Variants in RFX7 observed in about 807,000 individuals in gnomAD.
RFX7 encodes the protein regulatory factor X7.
Under a neutral mutation model 111.8 loss-of-function variants are expected in RFX7, and 26 were observed. That is an observed-to-expected ratio of 0.23 (90% CI 0.17 to 0.32). The LOEUF (loss-of-function observed/expected upper bound fraction) is 0.32, where lower values mean the gene tolerates loss of function less well. RFX7 is among the 10% of genes least tolerant of loss of function. The pLI, the probability that RFX7 is intolerant of heterozygous loss-of-function variation, is 1.00. For missense variants in RFX7, 1,573 were observed against 1,772.9 expected (o/e 0.89, Z 2.02); for synonymous variants, 624 against 624.4 (o/e 1.00, Z 0.01).
At chr15:56,139,495 G>C (rs1432849979) in intron 5 of RFX7, among the ~76,000 whole-genome samples, 2 of 152,042 alleles carry the variant, frequency 1.3e-5, no homozygotes, top group Admixed American at 1.3e-4. Context: ...CTCTGTATTG[G>C]TTATTCTAGT....
intron 5 of RFX7, among the ~76,000 whole-genome samples, chr15:56,116,498 A>G (rs2042010330): frequency 6.6e-6 from 1 of 152,208 alleles, no homozygotes; most frequent in Non-Finnish European, 1.5e-5. Context: ...TACAGCTGTA[A>G]TGTAAACAGT....
chr15:56,109,895 AC>A (rs2041889762), intron 5 of RFX7, among the ~76,000 whole-genome samples: 1 of 147,572 alleles, frequency 6.8e-6, no homozygotes, highest in African/African-American at 2.5e-5. Flanking sequence ...CCCGGCAGCC[AC>A]CCCGTCCGGG....
intron 2 of RFX7, among the ~76,000 whole-genome samples, chr15:56,215,867 T>C (rs988744828): frequency 6.6e-6 from 1 of 152,162 alleles, no homozygotes; most frequent in Admixed American, 6.5e-5. Context: ...TCAGTCAGGA[T>C]ATCAGCAGGA....
chr15:56,192,191 G>A (rs542053684), intron 2 of RFX7, among the ~76,000 whole-genome samples: 2 of 152,136 alleles, frequency 1.3e-5, no homozygotes, highest in Admixed American at 6.5e-5. Context: ...TGTATCTAGC[G>A]TAATAATAAC....
intron 2 of RFX7, among the ~76,000 whole-genome samples, chr15:56,234,702 A>G (rs1490336725): frequency 6.6e-6 from 1 of 152,206 alleles, no homozygotes; most frequent in African/African-American, 2.4e-5. Flanking sequence ...TGCTTACTGC[A>G]AAAACAATGG....
chr15:56,115,849 G>A (rs1406634451), intron 5 of RFX7, among the ~76,000 whole-genome samples: 1 of 151,984 alleles, frequency 6.6e-6, no homozygotes, highest in Non-Finnish European at 1.5e-5. Context: ...GGCTGTGGCA[G>A]GAGAATGGTG....
intron 2 of RFX7, among the ~76,000 whole-genome samples, chr15:56,214,877 T>C (rs571254025): frequency 6.6e-6 from 1 of 152,210 alleles, no homozygotes; most frequent in African/African-American, 2.4e-5. Context: ...TAATTCTGTG[T>C]AGATTGAGTT....
rs779256368 is a variant in RFX7, at chr15:56,096,567, G to A, written c.1161C>T (p.Asp387=). 36 of 1,598,002 alleles carry A rather than the reference G, an allele frequency of 2.3e-5. No individual in the cohort carries two copies. In the Admixed American group the frequency reaches 3.8e-4, roughly 17 times the overall value. ...VTSPSPMSSS[D]GKVLPLNVQV... ...GTACATTGAGGGGAAGAACTTTGCC[G>A]TCAGAAGAACTCATTGGACTCGGTG... Residue 387 remains aspartate (D), a synonymous_variant, in exon 10 of 10, where the codon GAC becomes GAT. Coordinates refer to ENST00000559447, the MANE Select transcript of RFX7 (RefSeq NM_022841.7).
intron 5 of RFX7, among the ~76,000 whole-genome samples, chr15:56,135,294 A>C (rs1456964002): frequency 1.3e-5 from 2 of 152,016 alleles, no homozygotes; most frequent in Non-Finnish European, 2.9e-5. Context: ...CTGACTTTTT[A>C]ATGATCGCCA....
At chr15:56,219,194 TTA>T (rs1438679178) in intron 2 of RFX7, among the ~76,000 whole-genome samples, 33 of 152,300 alleles carry the variant, frequency 2.2e-4, no homozygotes, top group African/African-American at 7.2e-4. Flanking sequence ...ATTTAGGATT[TTA>T]TGTTTTTCTG....
rs527849053 is a variant in RFX7, at chr15:56,168,844, C to T, written c.195+10426G>A. On this transcript the variant is annotated intron_variant, in intron 3 of 9. Coordinates refer to ENST00000559447, the MANE Select transcript of RFX7 (RefSeq NM_022841.7). ...TCTTTGGACTAAAGGCATAGTGGTA[C>T]AGCAGCCCATCAGTGATGTGACACA... 2.6e-5 allele frequency among the ~76,000 whole-genome samples: 4 copies of T among 152,292 alleles called. No homozygotes were observed. In the East Asian group the frequency reaches 7.7e-4, roughly 29 times the overall value.
In RFX7 at chr15:56,163,890, C is replaced by T. The variant is rs570233222; in HGVS notation, c.195+15380G>A. On this transcript the variant is annotated intron_variant, in intron 3 of 9. Coordinates refer to ENST00000559447, the MANE Select transcript of RFX7 (RefSeq NM_022841.7). ...CATATGTACCATTATGGGTCCCCAA[C>T]CCTGTAAAGAATAGCTCTTATAATA... Among the ~76,000 whole-genome samples, 24 of 152,254 alleles carry T rather than the reference C, an allele frequency of 1.6e-4. No homozygotes were observed. In the East Asian group the frequency reaches 4.2e-3, roughly 27 times the overall value.
chr15:56,142,437 G>A (rs1333103447), intron 5 of RFX7, among the ~76,000 whole-genome samples: 2 of 152,006 alleles, frequency 1.3e-5, no homozygotes, highest in African/African-American at 4.8e-5. Context: ...TTTATTTATT[G>A]CCTTCCACTC....
chr15:56,120,896 T>C (rs2042069782), intron 5 of RFX7, among the ~76,000 whole-genome samples: 1 of 152,220 alleles, frequency 6.6e-6, no homozygotes, highest in African/African-American at 2.4e-5. Context: ...ACTCAAATAT[T>C]GTCTCCCCAT....
Position 56,151,407 on chromosome 15 carries a change from A to G in RFX7, c.196-6924T>C, listed in dbSNP as rs183659744. Reference sequence around the variant, plus strand: ...AGAAGAGAGTGGGAGCCAATATTCAACATTCTTAAAGAAAAGAATTTTCAA... The same window carrying G: ...AGAAGAGAGTGGGAGCCAATATTCAGCATTCTTAAAGAAAAGAATTTTCAA... On this transcript the variant is annotated intron_variant, in intron 3 of 9. Transcript: ENST00000559447. Among the ~76,000 whole-genome samples, 143 of 152,368 alleles carry G rather than the reference A, an allele frequency of 9.4e-4. 2 individuals are homozygous for G. The East Asian group carries it at 0.027, about 29-fold the overall frequency.
intron 4 of RFX7, among the ~76,000 whole-genome samples, chr15:56,143,374 C>T (rs372508134): frequency 3.5e-4 from 40 of 115,658 alleles, no homozygotes; most frequent in South Asian, 1.6e-3. Flanking sequence ...CACACACACA[C>T]ATATATATGT....
intron 2 of RFX7, among the ~76,000 whole-genome samples, chr15:56,205,126 C>T (rs1472606415): frequency 6.6e-6 from 1 of 152,160 alleles, no homozygotes; most frequent in African/African-American, 2.4e-5. Context: ...TCTAATTTCT[C>T]CAAATCCCTG....
Position 56,096,432 on chromosome 15 carries a change from G to C in RFX7, c.1296C>G (p.Ile432Met). ...DRSARHRYPQILPKPANTSAL... is the reference protein window; with the variant it reads ...DRSARHRYPQMLPKPANTSAL... ...CACTGGTGTTCGCTGGTTTGGGTAAGATCTGAGGGTAACGGTGCCGGGCAG... is the reference window on the plus strand; with the variant it reads ...CACTGGTGTTCGCTGGTTTGGGTAACATCTGAGGGTAACGGTGCCGGGCAG... Residue 432 changes from isoleucine to methionine, a missense_variant, in exon 10 of 10, where the codon ATC becomes ATG. Ile to Met is a conservative substitution (Grantham distance 10). Transcript: ENST00000559447. The C allele has an allele frequency of 6.2e-7, 1 of 1,613,756 alleles. No homozygotes were observed. The highest frequency in any genetic ancestry group is 8.5e-7 in the Non-Finnish European group (1 of 1,179,790).
At chr15:56,150,258 T>A (rs1157845998) in intron 3 of RFX7, among the ~76,000 whole-genome samples, 1 of 152,180 alleles carries the variant, frequency 6.6e-6, no homozygotes, top group Non-Finnish European at 1.5e-5. Flanking sequence ...CATCCCTGCC[T>A]GATGGCTCTG....
Sources: allele counts gnomAD v4.1 joint callset (sites outside exome capture counted in the v4.1 genomes callset), GRCh38; gene constraint gnomAD v4.1.1; transcripts MANE v1.5; gene names NCBI Gene and HGNC (gene_info 2026-07-23, HGNC 2026-07-21).